KAZN: variants seen among roughly 807,000 people sequenced by gnomAD.
KAZN encodes the protein kazrin.
In KAZN, 40 loss-of-function variants were observed where a neutral mutation model predicts 87.4. That is an observed-to-expected ratio of 0.46 (90% CI 0.36 to 0.60). The LOEUF (loss-of-function observed/expected upper bound fraction) is 0.60. KAZN is among the 20% of genes least tolerant of loss of function. KAZN has a pLI of 0.00. For synonymous variants in KAZN, 466 were observed against 458.3 expected, an observed-to-expected ratio of 1.02 and a Z score of -0.22; for missense variants, 898 against 1,073.9, an observed-to-expected ratio of 0.84 and a Z score of 2.29.
chr1:14,785,013 G>A (rs1255522491), intron 1 of KAZN, among the ~76,000 whole-genome samples: 2 of 150,284 alleles, frequency 1.3e-5, no homozygotes, highest in East Asian at 1.9e-4. Context: ...ATAATGCCTC[G>A]GGGGTACTTT....
intron 2 of KAZN, among the ~76,000 whole-genome samples, chr1:14,431,199 T>TG (rs1430637691): frequency 6.6e-6 from 1 of 152,212 alleles, no homozygotes; most frequent in Non-Finnish European, 1.5e-5. Flanking sequence ...ATAGAAGGTA[T>TG]GGGCCACTTA....
At chr1:14,292,167 G>A (rs920801366) in intron 2 of KAZN, among the ~76,000 whole-genome samples, 8 of 152,178 alleles carry the variant, frequency 5.3e-5, no homozygotes, top group Admixed American at 1.3e-4. Flanking sequence ...TCATATGTGC[G>A]TATAGTTTTG....
chr1:14,881,826 T>C (rs992373670), intron 1 of KAZN, among the ~76,000 whole-genome samples: 3 of 152,240 alleles, frequency 2.0e-5, no homozygotes, highest in African/African-American at 4.8e-5. Context: ...TTTCTGTGTA[T>C]GGTTGTTTAA....
At chr1:14,318,981 G>A (rs1043928365) in intron 2 of KAZN, among the ~76,000 whole-genome samples, 2 of 150,956 alleles carry the variant, frequency 1.3e-5, no homozygotes, top group Admixed American at 1.3e-4. Context: ...TCTCTGTACT[G>A]TCTGGGCCTG....
intron 2 of KAZN, among the ~76,000 whole-genome samples, chr1:14,576,828 A>G (rs949247321): frequency 6.6e-6 from 1 of 152,220 alleles, no homozygotes; most frequent in Non-Finnish European, 1.5e-5. Flanking sequence ...AGCAAATAAT[A>G]CTTATTGAAA....
chr1:13,921,853 G>A (rs952996586), intron 1 of KAZN, among the ~76,000 whole-genome samples: 2 of 151,930 alleles, frequency 1.3e-5, no homozygotes, highest in Admixed American at 6.5e-5. Context: ...GGATGATCTC[G>A]ATCTCCTGAC....
intron 1 of KAZN, among the ~76,000 whole-genome samples, chr1:13,901,141 C>T (rs530394897): frequency 5.9e-5 from 9 of 152,238 alleles, no homozygotes; most frequent in African/African-American, 2.2e-4. Context: ...ACAGCCACCC[C>T]CCGTCCCCTC....
At chr1:14,381,041 C>G (rs965419905) in intron 2 of KAZN, among the ~76,000 whole-genome samples, 2 of 152,170 alleles carry the variant, frequency 1.3e-5, no homozygotes, top group African/African-American at 4.8e-5. Context: ...CCTTCTGAGG[C>G]AGAGGAGTCT....
Position 14,944,686 on chromosome 1 carries a change from G to A in KAZN, c.227-15998G>A, listed in dbSNP as rs557887149. On this transcript the variant is annotated intron_variant, in intron 1 of 14. Transcript: ENST00000376030. ...GCTGAGTCATGGTGCTGTTCCCGGGGCCTTGGGGTTGGCTGGCCTTTATTT... is the reference window on the plus strand; with the variant it reads ...GCTGAGTCATGGTGCTGTTCCCGGGACCTTGGGGTTGGCTGGCCTTTATTT... Among the ~76,000 whole-genome samples the A allele has an allele frequency of 3.9e-5, 6 of 152,362 alleles. No individual in the cohort carries two copies. In the South Asian group the frequency reaches 8.3e-4, roughly 21 times the overall value.
chr1:14,912,884 G>T (rs1005112731), intron 1 of KAZN, among the ~76,000 whole-genome samples: 1 of 152,138 alleles, frequency 6.6e-6, no homozygotes, highest in African/African-American at 2.4e-5. Flanking sequence ...GGTTTACTCC[G>T]TTTTAAAATG....
chr1:15,110,375 G>T (rs1641515150), intron 13 of KAZN, among the ~76,000 whole-genome samples: 1 of 58,602 alleles, frequency 1.7e-5, no homozygotes, highest in African/African-American at 5.5e-5. Context: ...TGTATATGTA[G>T]TGTGTATTTG....
rs78717218 is a variant in KAZN at position 14,471,567 on chromosome 1, T to G, written c.250-127416T>G. 3.1e-3 allele frequency among the ~76,000 whole-genome samples: 474 copies of G among 152,192 alleles called. 2 individuals are homozygous for G. Among genetic ancestry groups the G allele is most frequent in the Non-Finnish European group, 4.5e-3 (306 of 68,014 alleles). ...GAGTAGAGGCGTGACAATGCTGAACTGATGTTCCAGAAGACAGTCTATGTA... is the reference window on the plus strand; with the variant it reads ...GAGTAGAGGCGTGACAATGCTGAACGGATGTTCCAGAAGACAGTCTATGTA... On this transcript the variant is annotated intron_variant, in intron 2 of 16. Coordinates refer to the KAZN transcript ENST00000636203.
chr1:13,999,781 A>G (rs978749726), intron 1 of KAZN, among the ~76,000 whole-genome samples: 4 of 152,208 alleles, frequency 2.6e-5, no homozygotes, highest in African/African-American at 4.8e-5. Flanking sequence ...TTTTGAAAAA[A>G]TTAACAAAAT....
At chr1:14,634,515 C>A (rs1043861428) in intron 1 of KAZN, among the ~76,000 whole-genome samples, 1 of 152,240 alleles carries the variant, frequency 6.6e-6, no homozygotes, top group African/African-American at 2.4e-5. Flanking sequence ...CATTTCTGAT[C>A]ATTCAAGAGA....
intron 1 of KAZN, among the ~76,000 whole-genome samples, chr1:14,829,208 G>C (rs975273808): frequency 4.6e-5 from 7 of 152,234 alleles, no homozygotes; most frequent in Non-Finnish European, 1.5e-5. Flanking sequence ...TTTGAGCCAT[G>C]ATAGGCATGA....
At chr1:14,776,967 G>GAAAAAAAAAAAAAAA (rs1450009750) in intron 1 of KAZN, among the ~76,000 whole-genome samples, 1 of 147,622 alleles carries the variant, frequency 6.8e-6, no homozygotes, top group African/African-American at 2.5e-5. Context: ...AGACGTCTTT[G>GAAAAAAAAAAAAAAA]AAGTCGGTAT....
At chr1:14,533,648 G>A (rs1230979637) in intron 2 of KAZN, among the ~76,000 whole-genome samples, 3 of 152,110 alleles carry the variant, frequency 2.0e-5, no homozygotes, top group African/African-American at 4.8e-5. Flanking sequence ...GATCCATCCC[G>A]TTTGCTCCTT....
At chr1:14,736,842 C>CTTCATTCA (rs558606219) in intron 1 of KAZN, among the ~76,000 whole-genome samples, 2 of 152,124 alleles carry the variant, frequency 1.3e-5, no homozygotes, top group African/African-American at 2.4e-5. Context: ...ATAGCTCCCA[C>CTTCATTCA]TTCATTCATT....
chr1:14,049,077 A>T (rs1465418609), intron 1 of KAZN, among the ~76,000 whole-genome samples: 2 of 152,176 alleles, frequency 1.3e-5, no homozygotes, highest in Non-Finnish European at 1.5e-5. Context: ...AATGTCCAAC[A>T]ATGATAGACT....
Sources: gnomAD v4.1 joint callset for allele counts (sites outside exome capture counted in the v4.1 genomes callset) on GRCh38, gnomAD v4.1.1 for gene constraint, MANE v1.5 for transcripts, NCBI Gene and HGNC (gene_info 2026-07-23, HGNC 2026-07-21) for gene names.